ZNF320: variants seen among roughly 807,000 people sequenced by gnomAD.
The protein encoded by ZNF320 is zinc finger gene 320.
Under a neutral mutation model 6.8 loss-of-function variants are expected in ZNF320, and 2 were observed. That is an observed-to-expected ratio of 0.29 (90% CI 0.12 to 0.93). ZNF320 has a LOEUF of 0.93. Ranked by LOEUF, ZNF320 falls within the 40% of genes least tolerant of loss-of-function variation. The pLI is 0.55. For missense variants in ZNF320, 472 were observed against 611.0 expected, an observed-to-expected ratio of 0.77 and a Z score of 2.40; for synonymous variants, 208 against 203.2, an observed-to-expected ratio of 1.02 and a Z score of -0.20.
At chr19:52,884,868 TA>T (rs1257236282) in intron 5 of ZNF320, among the ~76,000 whole-genome samples, 1 of 152,162 alleles carries the variant, frequency 6.6e-6, no homozygotes, top group Non-Finnish European at 1.5e-5. Context: ...GTCTCTACTA[TA>T]AATCTTGCAA....
chr19:52,863,173 T>C (rs1420793063), exon 6 of ZNF320, among the ~76,000 whole-genome samples: 1 of 152,164 alleles, frequency 6.6e-6, no homozygotes, highest in Admixed American at 6.5e-5. Context: ...CTGGCCAGAC[T>C]GGTCTCGAAC....
At chr19:52,866,465 C>T (rs2063574650) in intron 5 of ZNF320, among the ~76,000 whole-genome samples, 1 of 151,978 alleles carries the variant, frequency 6.6e-6, no homozygotes, top group Non-Finnish European at 1.5e-5. Context: ...GAAGGACTCA[C>T]ACGTCTTCAT....
rs1365260552 is a variant in ZNF320, at chr19:52,877,096, G to A, written c.*3500C>T. On this transcript the variant is annotated 3_prime_UTR_variant, in exon 6 of 6. Coordinates refer to ENST00000682928, the MANE Select transcript of ZNF320 (RefSeq NM_001351774.2). ...CTCTCATGCCTGGCCAACAGAATGAGACCCATCTTTAATAGAAATGAAGAA... is the reference window on the plus strand; with the variant it reads ...CTCTCATGCCTGGCCAACAGAATGAAACCCATCTTTAATAGAAATGAAGAA... 1 of 152,326 alleles carries A rather than the reference G, an allele frequency of 6.6e-6. No homozygotes were observed. The highest frequency in any genetic ancestry group is 2.4e-5 in the African/African-American group (1 of 41,452). The allele number at this position is 152,326 out of a possible 1,614,324, so 9.4% of individuals were successfully genotyped here.
chr19:52,888,076 A>G (rs8100251), intron 5 of ZNF320, 51 bp downstream of exon 5: 58,239 of 1,585,098 alleles, frequency 0.037, 1,066 homozygotes, highest in African/African-American at 0.12. Flanking sequence ...AAGAGAAAAT[A>G]CAAAGATCCA....
intron 5 of ZNF320, among the ~76,000 whole-genome samples, chr19:52,866,150 GTATGATTATACATATATTTATATA>G (rs1568694241): frequency 0.024 from 382 of 15,906 alleles, 7 homozygotes; most frequent in Middle Eastern, 0.16. Context: ...ATTTATATAT[GTATGATTATACATATATTTATATA>G]TATGATTATA....
chr19:52,892,991 CCTG>C (rs1273236546), intron 2 of ZNF320, among the ~76,000 whole-genome samples: 4 of 152,258 alleles, frequency 2.6e-5, no homozygotes, highest in African/African-American at 7.2e-5. Context: ...CTTTTCTCCT[CCTG>C]CTTTCTTATT....
At chr19:52,891,845 G>A (rs571696738) in intron 2 of ZNF320, among the ~76,000 whole-genome samples, 1 of 152,212 alleles carries the variant, frequency 6.6e-6, no homozygotes, top group Non-Finnish European at 1.5e-5. Flanking sequence ...AGATGAGTGA[G>A]AAGGTGTGTC....
chr19:52,865,602 TATGA>T (rs1484444306), intron 5 of ZNF320, among the ~76,000 whole-genome samples: 3 of 125,068 alleles, frequency 2.4e-5, no homozygotes, highest in African/African-American at 1.0e-4. Flanking sequence ...TATATTTATA[TATGA>T]GATTATACAT....
At chr19:52,888,611 C>T (rs1480527641) in intron 4 of ZNF320, among the ~76,000 whole-genome samples, 2 of 123,932 alleles carry the variant, frequency 1.6e-5, no homozygotes, top group African/African-American at 3.2e-5. Context: ...GCCTGGGCAA[C>T]AAAGCAAGAC....
At chr19:52,898,981 G>T (rs976170578), upstream of ZNF320, among the ~76,000 whole-genome samples, 5 of 152,154 alleles carry the variant, frequency 3.3e-5, no homozygotes, top group Non-Finnish European at 7.4e-5. Flanking sequence ...ATATGAGAGG[G>T]TCTCTGTCTT....
upstream of ZNF320, among the ~76,000 whole-genome samples, chr19:52,902,343 GA>G (rs1210724867): frequency 1.3e-5 from 2 of 152,202 alleles, no homozygotes; most frequent in African/African-American, 4.8e-5. Context: ...TAGAATCCTG[GA>G]AAAGAGCTAC....
At chr19:52,901,373 T>C (rs1050995819), upstream of ZNF320, among the ~76,000 whole-genome samples, 1 of 152,204 alleles carries the variant, frequency 6.6e-6, no homozygotes, top group African/African-American at 2.4e-5. Context: ...AGTCCTGCGA[T>C]GAGTTTCTTC....
chr19:52,892,032 A>G (rs562606700), intron 2 of ZNF320: 1 of 152,328 alleles, frequency 6.6e-6, no homozygotes, highest in African/African-American at 2.4e-5. Context: ...ATAGTAACAT[A>G]TATAAAATGC....
Position 52,890,235 on chromosome 19 carries a change from T to C in ZNF320, c.15+6A>G. 6.2e-7 allele frequency: 1 copy of C among 1,607,516 alleles called. No homozygotes were observed. Among genetic ancestry groups the C allele is most frequent in the Non-Finnish European group, 8.5e-7 (1 of 1,179,670 alleles). On this transcript the variant is annotated splice_donor_region_variant and intron_variant, in intron 4 of 5. Coordinates refer to ENST00000682928, the MANE Select transcript of ZNF320 (RefSeq NM_001351774.2). ...ACAGAACAATCCACCGAGAATATCA[T>C]CTCACCTGAGAAAGAGCCATCCCCG...
At chr19:52,897,785 G>T (rs2147912115), upstream of ZNF320, 1 of 152,558 alleles carries the variant, frequency 6.6e-6, no homozygotes, top group South Asian at 2.1e-4. Flanking sequence ...ACGCGAAGAG[G>T]TGGGCGGGGC....
At chr19:52,883,842 T>G in intron 5 of ZNF320, 1 of 309,652 alleles carries the variant, frequency 3.2e-6, no homozygotes, top group Non-Finnish European at 6.3e-6. Flanking sequence ...GAGGTTGCAG[T>G]GAGCCAAGAT....
intron 5 of ZNF320, among the ~76,000 whole-genome samples, chr19:52,886,850 C>T (rs2064095009): frequency 6.6e-6 from 1 of 151,880 alleles, no homozygotes; most frequent in South Asian, 2.1e-4. Flanking sequence ...CACAAGAATC[C>T]TTTGAGCCTG....
At position 52,881,576 on chromosome 19, in the gene ZNF320, T is replaced by TATG; in HGVS notation, c.547_549dup (p.His183dup). 1 of 1,614,072 alleles carries TATG rather than the reference T, an allele frequency of 6.2e-7. No homozygotes were observed. Among genetic ancestry groups the TATG allele is most frequent in the Non-Finnish European group, 8.5e-7 (1 of 1,179,948 alleles). ...TTACATTTGTATGGTTTCTCTCCAG[T>TATG]ATGAATTATCCTATGTATTTCAAGA... On this transcript the variant is annotated inframe_insertion, in exon 6 of 6. Coordinates refer to ENST00000682928, the MANE Select transcript of ZNF320 (RefSeq NM_001351774.2).
intron 5 of ZNF320, chr19:52,864,216 G>A (rs761146409): frequency 6.8e-5 from 12 of 177,170 alleles, no homozygotes; most frequent in Non-Finnish European, 1.1e-4. Context: ...ACCTTCACAC[G>A]AAATGAGAAA....
Sources: gnomAD v4.1 joint callset for allele counts (sites outside exome capture counted in the v4.1 genomes callset) on GRCh38, gnomAD v4.1.1 for gene constraint, MANE v1.5 for transcripts, NCBI Gene and HGNC (gene_info 2026-07-23, HGNC 2026-07-21) for gene names.